The following LRMDA variants were observed in gnomAD, a reference collection of about 807,000 sequenced individuals.
LRMDA encodes the protein leucine rich melanocyte differentiation associated, also known as leucine-rich melanocyte differentiation-associated protein.
A neutral mutation model predicts 29.8 loss-of-function variants in LRMDA; 18 were observed. The observed-to-expected ratio is 0.60, with a 90% confidence interval of 0.42 to 0.90. The LOEUF (loss-of-function observed/expected upper bound fraction) is 0.90, where lower values mean the gene tolerates loss of function less well. Ranked by LOEUF, LRMDA falls within the 40% of genes least tolerant of loss-of-function variation. The pLI is 0.00. For missense variants in LRMDA, 273 were observed against 273.9 expected, an observed-to-expected ratio of 1.00 and a Z score of 0.02; for synonymous variants, 125 against 109.4, an observed-to-expected ratio of 1.14 and a Z score of -0.89.
At chr10:75,615,267 CA>C (rs1237393357) in intron 2 of LRMDA, among the ~76,000 whole-genome samples, 1 of 152,176 alleles carries the variant, frequency 6.6e-6, no homozygotes, top group African/African-American at 2.4e-5. Flanking sequence ...CAGCCAACAT[CA>C]AAACAAGACC....
chr10:75,968,990 T>TA (rs34409139), intron 2 of LRMDA, among the ~76,000 whole-genome samples: 49,552 of 151,782 alleles, frequency 0.33, 9,935 homozygotes, highest in Non-Finnish European at 0.45. Flanking sequence ...ATTAAACAAT[T>TA]AAAAAAAACC....
At chr10:75,950,747 C>T (rs1239920778) in intron 2 of LRMDA, among the ~76,000 whole-genome samples, 1 of 152,214 alleles carries the variant, frequency 6.6e-6, no homozygotes, top group Non-Finnish European at 1.5e-5. Flanking sequence ...TTCTTCCTCC[C>T]TATCACCTGG....
At chr10:76,409,803 A>C (rs914428973) in intron 6 of LRMDA, among the ~76,000 whole-genome samples, 6 of 152,242 alleles carry the variant, frequency 3.9e-5, no homozygotes, top group Non-Finnish European at 2.9e-5. Context: ...CTTGCTACTT[A>C]CTGGGCAGTG....
chr10:76,214,046 A>T (rs114678674), intron 5 of LRMDA, among the ~76,000 whole-genome samples: 1,869 of 152,182 alleles, frequency 0.012, 40 homozygotes, highest in African/African-American at 0.042. Flanking sequence ...TGGCCCATGG[A>T]GGTGAGGGAG....
chr10:76,213,934 G>T (rs1415510705), intron 5 of LRMDA, among the ~76,000 whole-genome samples: 1 of 150,836 alleles, frequency 6.6e-6, no homozygotes, highest in South Asian at 2.1e-4. Context: ...TAAAACTATA[G>T]CTAGGGGGAA....
chr10:76,036,162 A>G (rs1442633310), intron 3 of LRMDA, 28 bp downstream of exon 3: 3 of 1,572,626 alleles, frequency 1.9e-6, no homozygotes, highest in Non-Finnish European at 2.6e-6. Context: ...CGCTGCCCCC[A>G]CTCCCCACCC....
At chr10:75,761,647 G>A (rs1202446946) in intron 2 of LRMDA, among the ~76,000 whole-genome samples, 2 of 152,088 alleles carry the variant, frequency 1.3e-5, no homozygotes, top group Non-Finnish European at 2.9e-5. Context: ...TGTACTTAAT[G>A]CTACTGAATC....
chr10:75,753,528 T>G (rs143855204), intron 2 of LRMDA, among the ~76,000 whole-genome samples: 1 of 152,136 alleles, frequency 6.6e-6, no homozygotes, highest in African/African-American at 2.4e-5. Context: ...GGGGACAGCA[T>G]GTGCAAAGGC....
At chr10:76,510,371 G>A (rs1842998696) in intron 6 of LRMDA, among the ~76,000 whole-genome samples, 1 of 151,948 alleles carries the variant, frequency 6.6e-6, no homozygotes, top group Admixed American at 6.6e-5. Context: ...ACCCCCAGCC[G>A]CCCTAATGTT....
chr10:76,205,639 G>A (rs191109065), intron 5 of LRMDA, among the ~76,000 whole-genome samples: 7 of 152,248 alleles, frequency 4.6e-5, no homozygotes, highest in Admixed American at 2.0e-4. Context: ...GAAAATATAG[G>A]ATTATTATTC....
intron 2 of LRMDA, among the ~76,000 whole-genome samples, chr10:75,697,536 GA>G (rs1333495950): frequency 6.6e-6 from 1 of 151,360 alleles, no homozygotes; most frequent in African/African-American, 2.4e-5. Flanking sequence ...CAGAATTACG[GA>G]CATAAGTATT....
intron 2 of LRMDA, among the ~76,000 whole-genome samples, chr10:75,718,245 C>T (rs988354428): frequency 2.0e-5 from 3 of 152,224 alleles, no homozygotes; most frequent in African/African-American, 7.2e-5. Flanking sequence ...GGAGACTCTG[C>T]TTCATCCTGC....
intron 5 of LRMDA, among the ~76,000 whole-genome samples, chr10:76,119,701 A>AG (rs757393899): frequency 7.8e-4 from 118 of 152,164 alleles, no homozygotes; most frequent in Non-Finnish European, 1.5e-3. Context: ...TGTTTTCCCA[A>AG]GGGACTTCCA....
intron 6 of LRMDA, among the ~76,000 whole-genome samples, chr10:76,460,842 A>G (rs866072518): frequency 1.3e-5 from 2 of 152,142 alleles, no homozygotes; most frequent in Admixed American, 1.3e-4. Flanking sequence ...TCTTCCCTCC[A>G]TAGGGGAGGG....
rs531695581 is a variant in LRMDA, at chr10:76,354,482, C to T, written c.601+29997C>T. On this transcript the variant is annotated intron_variant, in intron 6 of 6. Transcript: ENST00000611255. Reference sequence around the variant, plus strand: ...ATACCAAGAGTCACTTGGTATTGGCCAAGAGTCATTAGTGACTTATACATC... The same window carrying T: ...ATACCAAGAGTCACTTGGTATTGGCTAAGAGTCATTAGTGACTTATACATC... 3.2e-4 allele frequency among the ~76,000 whole-genome samples: 49 copies of T among 152,142 alleles called. No individual in the cohort carries two copies. The Middle Eastern group carries it at 0.014, about 42-fold the overall frequency.
intron 5 of LRMDA, among the ~76,000 whole-genome samples, chr10:76,291,339 A>C (rs546559038): frequency 1.4e-4 from 21 of 152,238 alleles, no homozygotes; most frequent in Non-Finnish European, 2.9e-4. Context: ...TTTCATACAC[A>C]TGATGTCATA....
At chr10:76,292,254 T>C (rs1428317337) in intron 5 of LRMDA, among the ~76,000 whole-genome samples, 2 of 152,140 alleles carry the variant, frequency 1.3e-5, no homozygotes, top group South Asian at 4.1e-4. Flanking sequence ...TTAATTTCCA[T>C]AGTAATCCAC....
chr10:76,161,302 G>A (rs1589357890), intron 5 of LRMDA, among the ~76,000 whole-genome samples: 1 of 152,112 alleles, frequency 6.6e-6, no homozygotes, highest in Non-Finnish European at 1.5e-5. Flanking sequence ...GAATTTCAAC[G>A]TTGGCAGAAG....
intron 2 of LRMDA, among the ~76,000 whole-genome samples, chr10:75,486,285 G>A (rs190702238): frequency 6.6e-6 from 1 of 152,220 alleles, no homozygotes; most frequent in East Asian, 1.9e-4. Context: ...TTAAAAAATT[G>A]TATCTTTATT....
Sources: gnomAD v4.1 joint callset for allele counts (sites outside exome capture counted in the v4.1 genomes callset) on GRCh38, gnomAD v4.1.1 for gene constraint, MANE v1.5 for transcripts, NCBI Gene and HGNC (gene_info 2026-07-23, HGNC 2026-07-21) for gene names.